The following CDH18 variants were observed in gnomAD, a reference collection of about 807,000 sequenced individuals.
The protein encoded by CDH18 is cadherin-18.
CDH18 carries 31 observed loss-of-function variants against 67.9 expected under a neutral mutation model. The observed-to-expected ratio is 0.46, with a 90% CI of 0.34 to 0.62. The LOEUF is 0.62. Among genes scored for constraint, CDH18 ranks in the 20% least tolerant of loss-of-function variants. The pLI is 0.01. For missense variants in CDH18, 890 were observed against 975.5 expected (o/e 0.91, Z 1.17); for synonymous variants, 362 against 347.2 (o/e 1.04, Z -0.48).
At chr5:19,922,926 T>A (rs979140644) in intron 2 of CDH18, among the ~76,000 whole-genome samples, 2 of 152,110 alleles carry the variant, frequency 1.3e-5, no homozygotes, top group Non-Finnish European at 2.9e-5. Context: ...TCGTTTAATA[T>A]CTCCTCTCAA....
chr5:20,017,001 T>C (rs1480506505), intron 2 of CDH18, among the ~76,000 whole-genome samples: 4 of 152,240 alleles, frequency 2.6e-5, no homozygotes, highest in Middle Eastern at 6.8e-3. Context: ...GTAAATAGCA[T>C]GATCAAATAA....
intron 1 of CDH18, among the ~76,000 whole-genome samples, chr5:20,514,689 C>G (rs945082701): frequency 5.9e-5 from 9 of 151,934 alleles, no homozygotes; most frequent in Non-Finnish European, 1.3e-4. Context: ...GGCCTTACAC[C>G]ATAACATCCT....
At chr5:19,951,927 T>C (rs1795829760) in intron 2 of CDH18, among the ~76,000 whole-genome samples, 1 of 152,164 alleles carries the variant, frequency 6.6e-6, no homozygotes, top group Non-Finnish European at 1.5e-5. Flanking sequence ...AATTCTCAAC[T>C]CACTTATCCC....
chr5:19,696,352 C>T (rs1762540514), intron 5 of CDH18, among the ~76,000 whole-genome samples: 2 of 151,476 alleles, frequency 1.3e-5, no homozygotes, highest in South Asian at 2.1e-4. Context: ...GCCTGGTCAA[C>T]ATGGTGAAAC....
At chr5:20,050,813 T>G (rs1447747510) in intron 2 of CDH18, among the ~76,000 whole-genome samples, 2 of 151,858 alleles carry the variant, frequency 1.3e-5, no homozygotes, top group African/African-American at 2.4e-5. Flanking sequence ...AGTTCTATTT[T>G]TAACCTATGA....
chr5:19,713,675 T>C (rs939390848), intron 5 of CDH18, among the ~76,000 whole-genome samples: 9 of 152,120 alleles, frequency 5.9e-5, no homozygotes, highest in Non-Finnish European at 1.3e-4. Flanking sequence ...GTTTTGGAAA[T>C]ACAATTATCT....
At chr5:20,097,581 A>G (rs1288659893) in intron 2 of CDH18, among the ~76,000 whole-genome samples, 1 of 152,126 alleles carries the variant, frequency 6.6e-6, no homozygotes, top group Admixed American at 6.6e-5. Context: ...TAGCCAAACC[A>G]TGTAACTCAC....
At chr5:20,179,576 C>T (rs1261892647) in intron 2 of CDH18, among the ~76,000 whole-genome samples, 1 of 152,098 alleles carries the variant, frequency 6.6e-6, no homozygotes, top group African/African-American at 2.4e-5. Context: ...GAAACAGGGA[C>T]TGATATAGAA....
intron 2 of CDH18, among the ~76,000 whole-genome samples, chr5:20,231,141 C>T (rs917806634): frequency 1.3e-5 from 2 of 152,142 alleles, no homozygotes; most frequent in African/African-American, 4.8e-5. Context: ...CTCTTATCTA[C>T]AAAACTTGAA....
At chr5:20,042,686 G>A (rs191904204) in intron 2 of CDH18, among the ~76,000 whole-genome samples, 5 of 152,198 alleles carry the variant, frequency 3.3e-5, no homozygotes, top group Admixed American at 6.5e-5. Flanking sequence ...TTTATGGGCC[G>A]GGTGCGGTGG....
intron 2 of CDH18, among the ~76,000 whole-genome samples, chr5:19,882,553 A>T (rs1393944753): frequency 6.6e-6 from 1 of 152,168 alleles, no homozygotes; most frequent in African/African-American, 2.4e-5. Flanking sequence ...TTGGACTATT[A>T]TATATTAAAA....
chr5:20,162,197 A>G (rs767097982), intron 2 of CDH18, among the ~76,000 whole-genome samples: 7 of 151,974 alleles, frequency 4.6e-5, no homozygotes, highest in Non-Finnish European at 8.8e-5. Context: ...TCTAGTTCCA[A>G]TGAAATGTCA....
In CDH18 at chr5:20,086,517, C is replaced by T. The variant is rs76031356; in HGVS notation, c.-517-94503G>A. Among the ~76,000 whole-genome samples the T allele has an allele frequency of 6.8e-3, 1,040 of 152,248 alleles. 23 individuals are homozygous for T. Among genetic ancestry groups the T allele is most frequent in the African/African-American group, 0.023 (938 of 41,540 alleles). On this transcript the variant is annotated intron_variant, in intron 2 of 14. Coordinates refer to the CDH18 transcript ENST00000507958. The stretch of plus-strand genomic sequence containing the variant: ...TTTCATAGCTAGAGAAAAGTCAACA[C>T]CTGGCTTCAAAGCTTCAAAGTACAG...
chr5:20,081,761 G>C (rs997190266), intron 2 of CDH18, among the ~76,000 whole-genome samples: 2 of 152,066 alleles, frequency 1.3e-5, no homozygotes, highest in Non-Finnish European at 2.9e-5. Flanking sequence ...TATGGACACA[G>C]AGAAGGAAAC....
At chr5:20,391,207 T>C (rs1347455082) in intron 1 of CDH18, among the ~76,000 whole-genome samples, 1 of 152,044 alleles carries the variant, frequency 6.6e-6, no homozygotes, top group African/African-American at 2.4e-5. Flanking sequence ...TAAAGATATA[T>C]ATAACATAAA....
chr5:20,056,391 TG>T (rs200518487), intron 2 of CDH18, among the ~76,000 whole-genome samples: 3 of 148,878 alleles, frequency 2.0e-5, no homozygotes, highest in African/African-American at 7.4e-5. Context: ...CTGTTTTTTT[TG>T]TTTGTTTGTT....
chr5:19,551,100 C>T (rs571264143), intron 8 of CDH18, among the ~76,000 whole-genome samples: 310 of 152,154 alleles, frequency 2.0e-3, no homozygotes, highest in Non-Finnish European at 3.8e-3. Flanking sequence ...GATGAGAATG[C>T]ATAGATTGGG....
intron 1 of CDH18, among the ~76,000 whole-genome samples, chr5:19,987,674 C>T (rs187113508): frequency 1.3e-5 from 2 of 152,208 alleles, no homozygotes; most frequent in East Asian, 3.9e-4. Context: ...TTCAGTGCCC[C>T]TGTTTCTATT....
chr5:20,243,684 G>A (rs2940453), intron 2 of CDH18, among the ~76,000 whole-genome samples: 106,568 of 151,968 alleles, frequency 0.7, 38,023 homozygotes, highest in African/African-American at 0.85. Flanking sequence ...ATGGTCTTTT[G>A]AACTTTTATG....
Sources: gnomAD v4.1 joint callset for allele counts (sites outside exome capture counted in the v4.1 genomes callset) on GRCh38, gnomAD v4.1.1 for gene constraint, MANE v1.5 for transcripts, NCBI Gene and HGNC (gene_info 2026-07-23, HGNC 2026-07-21) for gene names.